The following NTN4 variants were observed in gnomAD, a reference collection of about 807,000 sequenced individuals.
NTN4 encodes the protein netrin 4, also known as netrin-4.
Under a neutral mutation model 73.6 loss-of-function variants are expected in NTN4, and 32 were observed. The observed-to-expected ratio is 0.44, with a 90% CI of 0.33 to 0.58. NTN4 has a LOEUF of 0.58. Ranked by LOEUF, NTN4 falls within the 20% of genes least tolerant of loss-of-function variation. NTN4 has a pLI of 0.04. For synonymous variants in NTN4, 258 were observed against 287.5 expected, an observed-to-expected ratio of 0.90 and a Z score of 1.04; for missense variants, 654 against 798.3, an observed-to-expected ratio of 0.82 and a Z score of 2.18.
chr12:95,670,719 T>C (rs1474306386), intron 7 of NTN4, among the ~76,000 whole-genome samples: 2 of 152,192 alleles, frequency 1.3e-5, no homozygotes, highest in African/African-American at 4.8e-5. Context: ...GTACAAAAAG[T>C]GATAAAGTGA....
chr12:95,713,717 C>T (rs180700275), intron 3 of NTN4, among the ~76,000 whole-genome samples: 65 of 152,086 alleles, frequency 4.3e-4, no homozygotes, highest in African/African-American at 1.5e-3. Flanking sequence ...AATCTCATTG[C>T]AAAATGACAT....
At chr12:95,711,061 C>T (rs1474241410) in intron 4 of NTN4, among the ~76,000 whole-genome samples, 1 of 152,082 alleles carries the variant, frequency 6.6e-6, no homozygotes. Flanking sequence ...GAGTAGTTAA[C>T]AATACAAAAA....
At chr12:95,668,779 C>T (rs375814110) in intron 8 of NTN4, among the ~76,000 whole-genome samples, 1 of 150,944 alleles carries the variant, frequency 6.6e-6, no homozygotes, top group East Asian at 1.9e-4. Flanking sequence ...CATTTGAGGT[C>T]AGAAGTCCAA....
chr12:95,686,633 C>T (rs2078362980), intron 5 of NTN4, among the ~76,000 whole-genome samples: 1 of 152,000 alleles, frequency 6.6e-6, no homozygotes, highest in Non-Finnish European at 1.5e-5. Context: ...TGGTGCACGC[C>T]TGTAGTCCCA....
intron 5 of NTN4, 42 bp from the exon 6 acceptor site, chr12:95,683,753 G>C (rs1208263263): frequency 8.0e-6 from 12 of 1,491,792 alleles, no homozygotes; most frequent in Non-Finnish European, 1.1e-5. Context: ...ACTGACTGTA[G>C]ATCACCCGTG....
At chr12:95,754,706 C>G (rs2078936283) in intron 2 of NTN4, among the ~76,000 whole-genome samples, 1 of 152,154 alleles carries the variant, frequency 6.6e-6, no homozygotes, top group Non-Finnish European at 1.5e-5. Context: ...CCCTGCCCAC[C>G]AGAGAACAAC....
chr12:95,734,069 CAAAA>C (rs34550049), intron 3 of NTN4, among the ~76,000 whole-genome samples: 1 of 94,236 alleles, frequency 1.1e-5, no homozygotes, highest in African/African-American at 3.1e-5. Flanking sequence ...GACTCCATTT[CAAAA>C]AAAAAAAAAA....
intron 5 of NTN4, among the ~76,000 whole-genome samples, chr12:95,699,629 G>GAAA (rs35777947): frequency 8.6e-5 from 12 of 139,020 alleles, no homozygotes; most frequent in African/African-American, 2.7e-4. Context: ...CAGAAAGAAG[G>GAAA]AAAAAAAAAA....
At chr12:95,662,048 A>G (rs1431692429) in intron 9 of NTN4, among the ~76,000 whole-genome samples, 1 of 152,162 alleles carries the variant, frequency 6.6e-6, no homozygotes, top group Non-Finnish European at 1.5e-5. Flanking sequence ...AATGGAGCAT[A>G]TACTATGATA....
At chr12:95,762,826 A>G (rs1327328274) in intron 2 of NTN4, among the ~76,000 whole-genome samples, 1 of 152,170 alleles carries the variant, frequency 6.6e-6, no homozygotes, top group African/African-American at 2.4e-5. Context: ...TCACAATAGA[A>G]ATTCTGGGCT....
chr12:95,724,819 C>T (rs10859928), intron 3 of NTN4, among the ~76,000 whole-genome samples: 53,889 of 151,850 alleles, frequency 0.35, 11,274 homozygotes, highest in Non-Finnish European at 0.47. Flanking sequence ...CATAGTCATT[C>T]TACCTACTCC....
intron 2 of NTN4, among the ~76,000 whole-genome samples, chr12:95,776,804 C>T (rs1188284630): frequency 6.6e-6 from 1 of 152,126 alleles, no homozygotes; most frequent in African/African-American, 2.4e-5. Context: ...TCAGGAAATA[C>T]AGAGAACACC....
intron 5 of NTN4, among the ~76,000 whole-genome samples, chr12:95,699,961 A>G (rs2078470581): frequency 6.6e-6 from 1 of 152,170 alleles, no homozygotes; most frequent in African/African-American, 2.4e-5. Context: ...GTCTTGGCAT[A>G]AAAGTCAATA....
At position 95,688,439 on chromosome 12, in the gene NTN4, G is replaced by A. The variant is rs554133953; in HGVS notation, c.1181-4728C>T. 1.2e-4 allele frequency among the ~76,000 whole-genome samples: 18 copies of A among 152,192 alleles called. No individual in the cohort carries two copies. In the South Asian group the frequency reaches 3.5e-3, roughly 30 times the overall value. ...TAGAAGAGAGGACTAGAGAAAGTTG[G>A]GGCAGATAGATCCATGCTGAGGGTG... is the stretch of plus-strand genomic sequence containing the variant. On this transcript the variant is annotated intron_variant, in intron 5 of 9. Coordinates refer to ENST00000343702, the MANE Select transcript of NTN4 (RefSeq NM_021229.4).
intron 2 of NTN4, among the ~76,000 whole-genome samples, chr12:95,777,616 C>T (rs2079103495): frequency 6.6e-6 from 1 of 152,064 alleles, no homozygotes; most frequent in African/African-American, 2.4e-5. Context: ...GCTAACTATC[C>T]TAAATATAGG....
In NTN4 at chr12:95,717,869, G is replaced by A. The variant is rs150881200; in HGVS notation, c.865-4531C>T. Among the ~76,000 whole-genome samples the A allele has an allele frequency of 4.6e-5, 7 of 152,246 alleles. No homozygotes were observed. In the East Asian group the frequency reaches 1.4e-3, roughly 29 times the overall value. ...AACTACAACTTCTAATGACCCAAGA[G>A]GTGAATAGAATTTTGGATATTCTAT... On this transcript the variant is annotated intron_variant, in intron 3 of 9. Transcript: ENST00000343702.
chr12:95,770,792 A>C (rs1344911588), intron 2 of NTN4, among the ~76,000 whole-genome samples: 1 of 139,804 alleles, frequency 7.2e-6, no homozygotes, highest in Non-Finnish European at 1.5e-5. Flanking sequence ...AATATTTTTC[A>C]AAATTATTTT....
At chr12:95,706,003 G>A (rs1052888483) in intron 5 of NTN4, among the ~76,000 whole-genome samples, 3 of 152,108 alleles carry the variant, frequency 2.0e-5, no homozygotes, top group East Asian at 1.9e-4. Flanking sequence ...AAAAAGTTAC[G>A]GGTGTTGTTT....
intron 2 of NTN4, among the ~76,000 whole-genome samples, chr12:95,779,284 A>G (rs1359530552): frequency 6.6e-6 from 1 of 152,228 alleles, no homozygotes; most frequent in African/African-American, 2.4e-5. Context: ...CTCCTATTCA[A>G]CATAGTGTTG....
Sources: allele counts gnomAD v4.1 joint callset (sites outside exome capture counted in the v4.1 genomes callset), GRCh38; gene constraint gnomAD v4.1.1; transcripts MANE v1.5; gene names NCBI Gene and HGNC (gene_info 2026-07-23, HGNC 2026-07-21).